Variants in ASTN1 observed in about 807,000 individuals in gnomAD.
ASTN1 encodes astrotactin 1.
ASTN1 carries 41 observed loss-of-function variants against 140.7 expected under a neutral mutation model. The ratio of observed to expected loss-of-function variants is 0.29; its 90% CI spans 0.23 to 0.38. ASTN1 has a LOEUF of 0.38. Among genes scored for constraint, ASTN1 ranks in the 10% least tolerant of loss-of-function variants. The pLI is 1.00. For missense variants in ASTN1, 1,479 were observed against 1,678.8 expected, an observed-to-expected ratio of 0.88 and a Z score of 2.08; for synonymous variants, 640 against 652.2, an observed-to-expected ratio of 0.98 and a Z score of 0.29.
At chr1:176,926,939 G>C (rs1248513814) in intron 16 of ASTN1, among the ~76,000 whole-genome samples, 1 of 152,222 alleles carries the variant, frequency 6.6e-6, no homozygotes, top group African/African-American at 2.4e-5. Context: ...TTCAGCTGTT[G>C]TTTTTGGTTC....
At chr1:177,070,236 C>A (rs6697602) in intron 1 of ASTN1, among the ~76,000 whole-genome samples, 1 of 152,052 alleles carries the variant, frequency 6.6e-6, no homozygotes, top group Admixed American at 6.5e-5. Flanking sequence ...AAAGTCAAAA[C>A]ACTGGTCACA....
chr1:177,051,570 G>A (rs1011371197), intron 2 of ASTN1, among the ~76,000 whole-genome samples: 1 of 152,180 alleles, frequency 6.6e-6, no homozygotes, highest in Non-Finnish European at 1.5e-5. Flanking sequence ...TTTTCTCCAT[G>A]GACACATGGC....
chr1:176,989,068 T>C (rs1404651698), intron 8 of ASTN1, among the ~76,000 whole-genome samples: 2 of 152,216 alleles, frequency 1.3e-5, no homozygotes, highest in Admixed American at 6.5e-5. Flanking sequence ...AAGTAATTAA[T>C]AGGCTGAAAC....
At chr1:177,060,997 G>A in intron 2 of ASTN1, 81 bp downstream of exon 2, 1 of 1,285,508 alleles carries the variant, frequency 7.8e-7, no homozygotes, top group East Asian at 2.7e-5. Context: ...GTCTGATAGA[G>A]TGATATCTAT....
chr1:176,955,259 G>C (rs1571562876), intron 11 of ASTN1, among the ~76,000 whole-genome samples: 1 of 152,236 alleles, frequency 6.6e-6, no homozygotes, highest in Middle Eastern at 3.4e-3. Flanking sequence ...ATTTGTCCCT[G>C]GTCCACTTCC....
At chr1:177,113,272 G>A (rs1458548815) in intron 1 of ASTN1, among the ~76,000 whole-genome samples, 1 of 152,174 alleles carries the variant, frequency 6.6e-6, no homozygotes, top group Admixed American at 6.5e-5. Context: ...CTTCCATACA[G>A]CAGGAAAGAG....
intron 1 of ASTN1, among the ~76,000 whole-genome samples, chr1:177,099,283 CAA>C (rs1680190889): frequency 6.6e-6 from 1 of 152,028 alleles, no homozygotes; most frequent in Non-Finnish European, 1.5e-5. Flanking sequence ...AACAGGCTGG[CAA>C]AAACAAATAC....
chr1:177,108,339 C>G (rs1680647577), intron 1 of ASTN1, among the ~76,000 whole-genome samples: 1 of 121,558 alleles, frequency 8.2e-6, no homozygotes, highest in African/African-American at 3.0e-5. Flanking sequence ...CAGAGCAAGA[C>G]TCCGTCTCAA....
intron 1 of ASTN1, among the ~76,000 whole-genome samples, chr1:177,080,158 G>C (rs1185879716): frequency 6.6e-6 from 1 of 151,002 alleles, no homozygotes; most frequent in Admixed American, 6.6e-5. Flanking sequence ...AAATCAATTG[G>C]GAACGTAAGA....
rs1677189175 is a variant in ASTN1, at chr1:177,045,819, G to A, written c.472-12970C>T. ...CACCCCTTAGAGGTCTGCAGGAATA[G>A]AGTATCATCACCAGAGAAGTCAAAA... On this transcript the variant is annotated intron_variant, in intron 2 of 22. Coordinates refer to ENST00000361833, the MANE Select transcript of ASTN1 (RefSeq NM_004319.3). 2.6e-5 allele frequency among the ~76,000 whole-genome samples: 4 copies of A among 152,140 alleles called. No homozygotes were observed. In the East Asian group the frequency reaches 7.7e-4, roughly 29 times the overall value.
At chr1:176,858,945 T>C (rs1247840395), downstream of ASTN1, among the ~76,000 whole-genome samples, 1 of 152,230 alleles carries the variant, frequency 6.6e-6, no homozygotes, top group East Asian at 1.9e-4. Flanking sequence ...TTGGGCAAGA[T>C]ATATAAAGAT....
At chr1:177,093,430 A>G (rs1013869514) in intron 1 of ASTN1, among the ~76,000 whole-genome samples, 14 of 152,198 alleles carry the variant, frequency 9.2e-5, no homozygotes, top group African/African-American at 2.9e-4. Flanking sequence ...TAAGAAGGAA[A>G]TAGTCTATTA....
At chr1:176,887,931 G>T in intron 18 of ASTN1, 140 bp downstream of exon 18, 2 of 1,208,752 alleles carry the variant, frequency 1.7e-6, no homozygotes, top group Non-Finnish European at 2.3e-6. Context: ...TGCCTCCCTT[G>T]GTAGATTGAA....
intron 1 of ASTN1, among the ~76,000 whole-genome samples, chr1:177,068,661 T>C (rs1190824503): frequency 1.3e-5 from 2 of 152,166 alleles, no homozygotes; most frequent in East Asian, 1.9e-4. Context: ...TGTTATTCAA[T>C]GACACAAAAC....
At chr1:177,137,636 T>C (rs1682261855) in intron 1 of ASTN1, among the ~76,000 whole-genome samples, 1 of 152,176 alleles carries the variant, frequency 6.6e-6, no homozygotes, top group African/African-American at 2.4e-5. Context: ...ATTCACAAAC[T>C]GTCAAGGTCT....
chr1:176,974,173 A>T (rs6673860), intron 8 of ASTN1, among the ~76,000 whole-genome samples: 7,947 of 152,228 alleles, frequency 0.052, 260 homozygotes, highest in Middle Eastern at 0.096. Flanking sequence ...GAACAATAAA[A>T]AACTGACTTG....
chr1:177,024,889 T>A (rs971296600), intron 5 of ASTN1, among the ~76,000 whole-genome samples, 157 bp from the exon 6 acceptor site: 6 of 146,350 alleles, frequency 4.1e-5, no homozygotes, highest in African/African-American at 1.7e-4. Flanking sequence ...TCAGTGACCT[T>A]CTTCCTCACA....
chr1:177,148,585 C>T (rs1170290408), intron 1 of ASTN1, among the ~76,000 whole-genome samples: 2 of 150,992 alleles, frequency 1.3e-5, no homozygotes, highest in Non-Finnish European at 2.9e-5. Context: ...ATAACTAGGC[C>T]TTTGAAGGCA....
rs757364439 is a variant in ASTN1, at chr1:176,957,827, C to G, written c.1738G>C (p.Glu580Gln). 4 of 1,613,480 alleles carry G rather than the reference C, an allele frequency of 2.5e-6. No homozygotes were observed. The South Asian group carries it at 4.4e-5, about 18-fold the overall frequency. The change falls in exon 11 of 23, where the codon GAG becomes CAG. Residue 580 changes from glutamate to glutamine, a missense_variant and splice_region_variant. Glu to Gln is a conservative substitution (Grantham distance 29, BLOSUM62 2). Around this residue, in one of 3 missense-constraint regions of ASTN1, gnomAD observed 729 missense variants for 860.4 expected, o/e 0.85. Transcript: ENST00000361833. ...TVMEDAVEVR[E>Q]ELMTSSSFDS... Reference sequence around the variant, plus strand: ...AAGGAGGATGAAGTCATCAGCTCCTCTCTGTGGGGAGAAAGAGTGGGAAGC... The same window carrying G: ...AAGGAGGATGAAGTCATCAGCTCCTGTCTGTGGGGAGAAAGAGTGGGAAGC...
Sources: allele counts gnomAD v4.1 joint callset (sites outside exome capture counted in the v4.1 genomes callset), GRCh38; gene constraint gnomAD v4.1.1; regional missense constraint gnomAD v4.1.1; transcripts MANE v1.5; gene names NCBI Gene and HGNC (gene_info 2026-07-23, HGNC 2026-07-21).